B4GALT1: variants seen among roughly 807,000 people sequenced by gnomAD.
B4GALT1 encodes the protein beta-1,4-galactosyltransferase 1.
Under a neutral mutation model 34.9 loss-of-function variants are expected in B4GALT1, and 16 were observed. The ratio of observed to expected loss-of-function variants is 0.46; its 90% CI spans 0.31 to 0.70. The LOEUF (loss-of-function observed/expected upper bound fraction) is 0.70. Ranked by LOEUF, B4GALT1 falls within the 30% of genes least tolerant of loss-of-function variation. The pLI, the probability that B4GALT1 is intolerant of heterozygous loss-of-function variation, is 0.05. For missense variants in B4GALT1, 445 were observed against 530.5 expected (o/e 0.84, Z 1.58); for synonymous variants, 221 against 218.1 (o/e 1.01, Z -0.12).
At chr9:33,174,848 T>C in the B4GALT1 span, among the ~76,000 whole-genome samples, 1 of 146,710 alleles carries the variant, frequency 6.8e-6, no homozygotes, top group South Asian at 2.2e-4. Flanking sequence ...TCCCAGCTAC[T>C]TGGGAAGCTG....
intron 1 of B4GALT1, among the ~76,000 whole-genome samples, chr9:33,146,912 G>T (rs1485426851): frequency 1.3e-5 from 2 of 152,132 alleles, no homozygotes; most frequent in African/African-American, 4.8e-5. Flanking sequence ...TGTTGGCCAG[G>T]CTGGTCTTGA....
At chr9:33,146,697 CTTTT>C (rs11291171) in intron 1 of B4GALT1, among the ~76,000 whole-genome samples, 1 of 140,804 alleles carries the variant, frequency 7.1e-6, no homozygotes. Flanking sequence ...TCTTTCTTTT[CTTTT>C]TTTTTTTTTT....
At position 33,166,843 on chromosome 9, in the gene B4GALT1, G is replaced by T; in HGVS notation, c.327C>A (p.Gly109=). The T allele has an allele frequency of 6.4e-7, 1 of 1,560,566 alleles. No homozygotes were observed. Residue 109 remains glycine (G), a synonymous_variant, in exon 1 of 6, where the codon GGC becomes GGA. Transcript: ENST00000379731. ...DSSPVVDSGP[G]PASNLTSVPV... Reference sequence around the variant, plus strand: ...GGACCGAGGTCAAGTTGCTAGCGGGGCCAGGGCCAGAATCCACGACTGGGC... The same window carrying T: ...GGACCGAGGTCAAGTTGCTAGCGGGTCCAGGGCCAGAATCCACGACTGGGC...
intron 2 of B4GALT1, chr9:33,104,798 A>C: frequency 2.3e-6 from 1 of 435,812 alleles, no homozygotes; most frequent in South Asian, 1.7e-5. Context: ...TAAAATACAC[A>C]TAACAGAAAA....
At chr9:33,106,874 G>A (rs1316246820), downstream of B4GALT1, among the ~76,000 whole-genome samples, 2 of 152,154 alleles carry the variant, frequency 1.3e-5, no homozygotes, top group Non-Finnish European at 1.5e-5. Flanking sequence ...ACAGCAAGTG[G>A]GGAGTCAGAG....
intron 2 of B4GALT1, among the ~76,000 whole-genome samples, chr9:33,130,255 G>A (rs1298036795): frequency 6.6e-6 from 1 of 152,142 alleles, no homozygotes; most frequent in Non-Finnish European, 1.5e-5. Flanking sequence ...GCTACCAGGT[G>A]GTGACCTGCC....
At chr9:33,132,039 A>C (rs934418588) in intron 2 of B4GALT1, among the ~76,000 whole-genome samples, 1 of 152,126 alleles carries the variant, frequency 6.6e-6, no homozygotes, top group Non-Finnish European at 1.5e-5. Flanking sequence ...GAAGTGGGAG[A>C]AAAAGCAGAA....
At chr9:33,104,743 G>T (rs1347184305) in exon 3 of B4GALT1, 1 of 455,792 alleles carries the variant, frequency 2.2e-6, no homozygotes, top group African/African-American at 2.0e-5. Flanking sequence ...AACAGACCAG[G>T]CGAAGCCTTC....
At chr9:33,154,552 A>G (rs1840569682) in intron 1 of B4GALT1, among the ~76,000 whole-genome samples, 1 of 152,238 alleles carries the variant, frequency 6.6e-6, no homozygotes, top group African/African-American at 2.4e-5. Flanking sequence ...TATTTTTACC[A>G]TGGTTGGCAT....
In B4GALT1 at chr9:33,163,964, C is replaced by T. The variant is rs139473810; in HGVS notation, c.412+2794G>A. 2.6e-3 allele frequency among the ~76,000 whole-genome samples: 396 copies of T among 152,236 alleles called. 1 individual carries two copies. Among genetic ancestry groups the T allele is most frequent in the Non-Finnish European group, 4.3e-3 (290 of 68,018 alleles). ...GTGCCCGGTGTGGGGGCGGGGGGTA[C>T]TATGGCTCCAAACCTGCAGCCTGCC... On this transcript the variant is annotated intron_variant, in intron 1 of 5. Coordinates refer to ENST00000379731, the MANE Select transcript of B4GALT1 (RefSeq NM_001497.4).
intron 1 of B4GALT1, among the ~76,000 whole-genome samples, chr9:33,157,827 T>C (rs149571085): frequency 6.6e-6 from 1 of 152,334 alleles, no homozygotes; most frequent in African/African-American, 2.4e-5. Context: ...TAGGCACTGT[T>C]TTAAGCCCTT....
rs377093319 is a variant in B4GALT1, at chr9:33,152,524, A to C, written c.412+14234T>G. Among the ~76,000 whole-genome samples the C allele has an allele frequency of 6.6e-5, 10 of 151,906 alleles. No individual in the cohort carries two copies. In the East Asian group the frequency reaches 1.7e-3, roughly 26 times the overall value. ...CTAATAGAAAAATGGGTTAAAAGAA[A>C]AAGGGTAAAAAAAAATGGGCCAAAA... On this transcript the variant is annotated intron_variant, in intron 1 of 5. Transcript: ENST00000379731.
intron 2 of B4GALT1, among the ~76,000 whole-genome samples, chr9:33,122,211 T>C (rs1228908272): frequency 1.3e-5 from 2 of 152,092 alleles, no homozygotes; most frequent in African/African-American, 4.8e-5. Flanking sequence ...CAAAGTCTTC[T>C]CTCCATGCCC....
chr9:33,150,740 AT>A (rs1225438949), intron 1 of B4GALT1, among the ~76,000 whole-genome samples: 1 of 152,150 alleles, frequency 6.6e-6, no homozygotes, highest in Non-Finnish European at 1.5e-5. Flanking sequence ...ATCTAAAAAA[AT>A]TTTTTTTAAA....
chr9:33,115,985 CA>C lies in B4GALT1; in HGVS notation c.959+5del. On this transcript the variant is annotated splice_donor_5th_base_variant and intron_variant, in intron 4 of 5. Transcript: ENST00000379731. Reference sequence around the variant, plus strand: ...AGGAGAAAGATATCTAAGTTATGACCATTACCTGTTAAAAATGTCATCATCT... The same window carrying C: ...AGGAGAAAGATATCTAAGTTATGACCTTACCTGTTAAAAATGTCATCATCT... The C allele has an allele frequency of 6.2e-7, 1 of 1,609,298 alleles. No homozygotes were observed. Among genetic ancestry groups the C allele is most frequent in the Non-Finnish European group, 8.5e-7 (1 of 1,176,806 alleles).
intron 2 of B4GALT1, among the ~76,000 whole-genome samples, chr9:33,127,649 C>T (rs1425373639): frequency 6.6e-6 from 1 of 152,046 alleles, no homozygotes; most frequent in Admixed American, 6.6e-5. Flanking sequence ...TAAGGGACTT[C>T]TAAGAGAGAA....
intron 2 of B4GALT1, 137 bp downstream of exon 2, chr9:33,135,052 G>T: frequency 2.3e-6 from 2 of 862,536 alleles, no homozygotes; most frequent in Non-Finnish European, 3.8e-6. Context: ...ACTGGTGGTG[G>T]CTGGGGGGCT....
At chr9:33,174,656 C>T in the B4GALT1 span, among the ~76,000 whole-genome samples, 140,880 of 151,488 alleles carry the variant, frequency 0.93, 65,530 homozygotes, top group East Asian at 1. Context: ...CTCAAAATTA[C>T]ATGTATATCT....
At chr9:33,105,892 T>G (rs1587722691), downstream of B4GALT1, among the ~76,000 whole-genome samples, 1 of 148,832 alleles carries the variant, frequency 6.7e-6, no homozygotes, top group East Asian at 2.0e-4. Context: ...TTTTTTTTTT[T>G]TTTTTTTTTT....
Sources: allele counts gnomAD v4.1 joint callset (sites outside exome capture counted in the v4.1 genomes callset), GRCh38; gene constraint gnomAD v4.1.1; transcripts MANE v1.5; gene names NCBI Gene and HGNC (gene_info 2026-07-23, HGNC 2026-07-21).